The following NCOA1 variants were observed in gnomAD, a reference collection of about 807,000 sequenced individuals.
The protein encoded by NCOA1 is Hin-2 protein.
Under a neutral mutation model 150.9 loss-of-function variants are expected in NCOA1, and 35 were observed. The ratio of observed to expected loss-of-function variants is 0.23; its 90% CI spans 0.18 to 0.31. The LOEUF (loss-of-function observed/expected upper bound fraction) is 0.31. Among genes scored for constraint, NCOA1 ranks in the 10% least tolerant of loss-of-function variants. NCOA1 has a pLI of 1.00. For synonymous variants in NCOA1, 590 were observed against 630.0 expected, an observed-to-expected ratio of 0.94 and a Z score of 0.95; for missense variants, 1,491 against 1,749.3, an observed-to-expected ratio of 0.85 and a Z score of 2.63.
Position 24,707,511 on chromosome 2 carries a change from A to T in NCOA1, c.2041A>T (p.Ser681Cys). ...AGGAGGTTCTTGTCCCTCTTCTCAT[A>T]GCTCATTGACAGAACGGCATAAAAT... Reference protein sequence around the residue: ...SSGGSCPSSHSSLTERHKILH... With the variant: ...SSGGSCPSSHCSLTERHKILH... The change falls in exon 13 of 23, where the codon AGC becomes TGC. Residue 681 changes from serine to cysteine, a missense_variant. By Grantham distance (112) the Ser-to-Cys change is moderately radical. Transcript: ENST00000348332. 1.9e-6 allele frequency: 3 copies of T among 1,614,140 alleles called. No homozygotes were observed. Among genetic ancestry groups the T allele is most frequent in the Non-Finnish European group, 2.5e-6 (3 of 1,180,020 alleles).
intron 19 of NCOA1, among the ~76,000 whole-genome samples, chr2:24,746,485 C>A (rs915899570): frequency 6.6e-6 from 1 of 151,930 alleles, no homozygotes. Flanking sequence ...GAGGTTGCAG[C>A]GAGCCAAGAT....
chr2:24,686,864 G>C (rs1672427311), intron 8 of NCOA1, among the ~76,000 whole-genome samples: 1 of 152,124 alleles, frequency 6.6e-6, no homozygotes, highest in Non-Finnish European at 1.5e-5. Flanking sequence ...GTTTTAAGAA[G>C]ATAATGATAG....
At chr2:24,723,085 A>G (rs17046490) in intron 14 of NCOA1, among the ~76,000 whole-genome samples, 5,479 of 152,156 alleles carry the variant, frequency 0.036, 127 homozygotes, top group East Asian at 0.11. Flanking sequence ...TCACGGTTCA[A>G]CATTCAAAAA....
At chr2:24,745,010 C>A (rs550850005) in intron 19 of NCOA1, among the ~76,000 whole-genome samples, 3 of 152,096 alleles carry the variant, frequency 2.0e-5, no homozygotes. Flanking sequence ...AATGTAGGCC[C>A]AAAGTAAATG....
chr2:24,629,817 C>CATATACATATATATATAT lies in NCOA1; in HGVS notation c.-174-14144_-174-14143insCATATATATATATATATA, dbSNP rs1553439184. Among the ~76,000 whole-genome samples, 95 of 79,344 alleles carry CATATACATATATATATAT rather than the reference C, an allele frequency of 1.2e-3. 2 individuals are homozygous for CATATACATATATATATAT. Among genetic ancestry groups the CATATACATATATATATAT allele is most frequent in the African/African-American group, 4.1e-3 (91 of 22,272 alleles). The allele number at this position is 79,344 out of a possible 152,430, so 52.1% of individuals were successfully genotyped here. On this transcript the variant is annotated intron_variant, in intron 3 of 22. Transcript: ENST00000348332. ...GACACTGTTTTAAGTAACATACATA[C>CATATACATATATATATAT]ATATATATATATATATATATATATA...
intron 11 of NCOA1, among the ~76,000 whole-genome samples, chr2:24,701,845 A>G (rs1354522292): frequency 6.6e-6 from 1 of 152,190 alleles, no homozygotes; most frequent in Non-Finnish European, 1.5e-5. Flanking sequence ...ACCCTGTCCT[A>G]TTAAAAATAC....
chr2:24,547,433 A>C (rs1473163197), intron 1 of NCOA1, among the ~76,000 whole-genome samples: 2 of 152,210 alleles, frequency 1.3e-5, no homozygotes, highest in African/African-American at 4.8e-5. Context: ...CAGCTATATT[A>C]TGAGAATTTA....
At chr2:24,653,031 C>T (rs1231778317) in intron 4 of NCOA1, among the ~76,000 whole-genome samples, 2 of 152,116 alleles carry the variant, frequency 1.3e-5, no homozygotes, top group African/African-American at 4.8e-5. Flanking sequence ...TCTCATAGCT[C>T]TTCAGCTCTT....
At chr2:24,683,432 A>G (rs537316984) in intron 8 of NCOA1, among the ~76,000 whole-genome samples, 95 of 152,340 alleles carry the variant, frequency 6.2e-4, no homozygotes, top group African/African-American at 2.1e-3. Flanking sequence ...GCTCACAGAA[A>G]AAAGAATAGA....
chr2:24,587,541 T>A (rs1286682083), intron 3 of NCOA1, among the ~76,000 whole-genome samples: 1 of 152,254 alleles, frequency 6.6e-6, no homozygotes, highest in East Asian at 1.9e-4. Flanking sequence ...TTCTTGTTCC[T>A]TGACTATTAT....
chr2:24,620,262 T>A (rs1329355864), intron 3 of NCOA1, among the ~76,000 whole-genome samples: 2 of 152,244 alleles, frequency 1.3e-5, no homozygotes, highest in Admixed American at 1.3e-4. Context: ...TTGTATAATT[T>A]GGTTTGTTCA....
chr2:24,624,010 T>C (rs1669292229), intron 3 of NCOA1, among the ~76,000 whole-genome samples: 1 of 152,186 alleles, frequency 6.6e-6, no homozygotes, highest in Non-Finnish European at 1.5e-5. Context: ...AAAATTGTTT[T>C]ATTAATAATA....
At chr2:24,656,023 G>C (rs1670929130) in intron 4 of NCOA1, among the ~76,000 whole-genome samples, 1 of 150,076 alleles carries the variant, frequency 6.7e-6, no homozygotes, top group African/African-American at 2.5e-5. Context: ...GGGAGGCGGA[G>C]CTTGCAGTGA....
intron 17 of NCOA1, among the ~76,000 whole-genome samples, chr2:24,733,131 C>T (rs534349014): frequency 7.2e-4 from 110 of 152,102 alleles, no homozygotes; most frequent in Admixed American, 1.6e-3. Flanking sequence ...TAAATGGCTG[C>T]GGGTTGGCAA....
intron 5 of NCOA1, among the ~76,000 whole-genome samples, chr2:24,664,035 A>G (rs1350313718): frequency 1.3e-5 from 2 of 152,224 alleles, no homozygotes; most frequent in African/African-American, 4.8e-5. Flanking sequence ...TATATCTTAT[A>G]TCAATTAGTT....
chr2:24,600,870 C>T (rs906505639), intron 3 of NCOA1, among the ~76,000 whole-genome samples: 1 of 152,172 alleles, frequency 6.6e-6, no homozygotes, highest in African/African-American at 2.4e-5. Flanking sequence ...ATGTGAATTA[C>T]TGAAATAAAA....
intron 8 of NCOA1, among the ~76,000 whole-genome samples, chr2:24,688,933 A>G (rs1672534692): frequency 6.6e-6 from 1 of 152,192 alleles, no homozygotes; most frequent in Admixed American, 6.5e-5. Flanking sequence ...ATATGGTGTA[A>G]GAAAGAGGTC....
At chr2:24,545,513 A>G (rs1344785449) in intron 1 of NCOA1, among the ~76,000 whole-genome samples, 1 of 152,000 alleles carries the variant, frequency 6.6e-6, no homozygotes, top group Non-Finnish European at 1.5e-5. Context: ...TTGTGCAGAC[A>G]CTCCCCTCCT....
intron 4 of NCOA1, among the ~76,000 whole-genome samples, chr2:24,656,833 A>G (rs936305707): frequency 2.0e-5 from 3 of 152,190 alleles, no homozygotes; most frequent in Non-Finnish European, 2.9e-5. Context: ...TTCACTGTGT[A>G]TATATACCAC....
Sources: gnomAD v4.1 joint callset for allele counts (sites outside exome capture counted in the v4.1 genomes callset) on GRCh38, gnomAD v4.1.1 for gene constraint, MANE v1.5 for transcripts, NCBI Gene and HGNC (gene_info 2026-07-23, HGNC 2026-07-21) for gene names.